STIM2: variants seen among roughly 807,000 people sequenced by gnomAD.
STIM2 encodes the protein stromal interaction molecule 2.
Under a neutral mutation model 85.8 loss-of-function variants are expected in STIM2, and 31 were observed. The ratio of observed to expected loss-of-function variants is 0.36; its 90% CI spans 0.27 to 0.49. The LOEUF (loss-of-function observed/expected upper bound fraction) is 0.49. STIM2 is among the 20% of genes least tolerant of loss of function. The pLI is 0.98. For synonymous variants in STIM2, 356 were observed against 331.1 expected (o/e 1.08, Z -0.82); for missense variants, 841 against 927.6 (o/e 0.91, Z 1.21).
intron 1 of STIM2, among the ~76,000 whole-genome samples, chr4:26,903,139 G>A (rs558229726): frequency 1.8e-4 from 27 of 151,880 alleles, no homozygotes; most frequent in African/African-American, 6.5e-4. Flanking sequence ...GTTTTTTTTG[G>A]CCTTACCTCA....
At chr4:26,923,194 A>G (rs1724873411) in intron 2 of STIM2, among the ~76,000 whole-genome samples, 1 of 151,536 alleles carries the variant, frequency 6.6e-6, no homozygotes, top group South Asian at 2.1e-4. Flanking sequence ...ACTAACAACC[A>G]GAAAGGACAT....
intron 2 of STIM2, among the ~76,000 whole-genome samples, chr4:26,939,237 C>T (rs182566767): frequency 6.6e-6 from 1 of 152,244 alleles, no homozygotes; most frequent in Admixed American, 6.5e-5. Flanking sequence ...CTATTTGACA[C>T]GGTCCATCTT....
At chr4:26,883,570 C>T (rs182192354) in intron 1 of STIM2, among the ~76,000 whole-genome samples, 62 of 151,836 alleles carry the variant, frequency 4.1e-4, no homozygotes, top group African/African-American at 1.5e-3. Flanking sequence ...CCTGAGGTGC[C>T]GAAAGTGTAT....
intron 2 of STIM2, among the ~76,000 whole-genome samples, chr4:26,946,361 T>C (rs759067738): frequency 6.6e-6 from 1 of 152,272 alleles, no homozygotes; most frequent in Non-Finnish European, 1.5e-5. Flanking sequence ...ACAGAACTTA[T>C]TGGAACCTGT....
intron 10 of STIM2, among the ~76,000 whole-genome samples, chr4:27,009,940 G>A (rs930415455): frequency 6.6e-6 from 1 of 152,130 alleles, no homozygotes; most frequent in African/African-American, 2.4e-5. Flanking sequence ...GCATGAAAGT[G>A]CATTATCTAG....
At chr4:27,020,868 T>G (rs1158127302) in intron 11 of STIM2, 5 of 733,224 alleles carry the variant, frequency 6.8e-6, no homozygotes, top group Non-Finnish European at 1.1e-5. Context: ...GCTGCTGGGT[T>G]ATAATCATAT....
chr4:27,019,380 C>G, intron 11 of STIM2: 1 of 1,270,984 alleles, frequency 7.9e-7, no homozygotes, highest in Non-Finnish European at 1.0e-6. Context: ...TTATGACTAG[C>G]TTTTCGTCTG....
intron 3 of STIM2, among the ~76,000 whole-genome samples, chr4:26,960,446 T>C (rs1399427387): frequency 3.3e-5 from 5 of 152,218 alleles, no homozygotes; most frequent in African/African-American, 1.2e-4. Flanking sequence ...ATTCATTCTT[T>C]GCTTATCATT....
chr4:26,901,267 A>G (rs1433909975), intron 1 of STIM2, among the ~76,000 whole-genome samples: 1 of 152,152 alleles, frequency 6.6e-6, no homozygotes, highest in African/African-American at 2.4e-5. Context: ...TTTGGAGGTA[A>G]CACCATCAAA....
intron 3 of STIM2, among the ~76,000 whole-genome samples, chr4:26,972,172 C>T (rs1401508550): frequency 6.6e-6 from 1 of 152,136 alleles, no homozygotes; most frequent in Non-Finnish European, 1.5e-5. Flanking sequence ...AATATACAAT[C>T]ATGTCATCTA....
intron 1 of STIM2, among the ~76,000 whole-genome samples, chr4:26,895,279 C>T (rs895533108): frequency 1.3e-5 from 2 of 152,116 alleles, no homozygotes; most frequent in Non-Finnish European, 2.9e-5. Flanking sequence ...TTTAGTGGCT[C>T]TCATAAAATT....
chr4:26,874,734 G>C (rs1722754598), intron 1 of STIM2, among the ~76,000 whole-genome samples: 2 of 152,198 alleles, frequency 1.3e-5, no homozygotes, highest in Non-Finnish European at 1.5e-5. Context: ...AAATCAGTAA[G>C]TATTAGGCAT....
chr4:26,861,368 A>G lies in STIM2; in HGVS notation c.150A>G (p.Thr50=), dbSNP rs1722180289. ...CCGGCGATAGCCCGGCGCTCATGAC[A>G]GGTGAGGGGCCGGGGGGCGGCGGGC... is the stretch of plus-strand genomic sequence containing the variant. The change falls in exon 1 of 12, where the codon ACA becomes ACG. Residue 50 remains threonine (T), a splice_region_variant and synonymous_variant. Transcript: ENST00000467087. 2 of 1,310,366 alleles carry G rather than the reference A, an allele frequency of 1.5e-6. No individual in the cohort carries two copies. The highest frequency in any genetic ancestry group is 1.9e-6 in the Non-Finnish European group (2 of 1,034,938). 81.2% of individuals were successfully genotyped at this position (1,310,366 alleles called of 1,614,324 possible).
chr4:27,003,132 G>A, intron 7 of STIM2, 28 bp downstream of exon 7: 3 of 1,544,108 alleles, frequency 1.9e-6, no homozygotes, highest in Non-Finnish European at 2.6e-6. Flanking sequence ...AAAATCACTT[G>A]TAAAGATGTT....
At chr4:26,959,537 C>A (rs931320075) in intron 3 of STIM2, among the ~76,000 whole-genome samples, 2 of 151,974 alleles carry the variant, frequency 1.3e-5, no homozygotes, top group African/African-American at 4.8e-5. Context: ...TTATATATAT[C>A]TCCCTTTGCC....
chr4:26,922,832 A>G (rs1322307580), intron 2 of STIM2, among the ~76,000 whole-genome samples: 3 of 152,184 alleles, frequency 2.0e-5, no homozygotes, highest in African/African-American at 7.2e-5. Context: ...GATGGGGGCA[A>G]TAGTGAATAA....
intron 2 of STIM2, 27 bp from the exon 3 acceptor site, chr4:26,957,585 T>C (rs3792685): frequency 0.2 from 252,130 of 1,266,998 alleles, 27,191 homozygotes; most frequent in East Asian, 0.45. Context: ...TGAATTTATA[T>C]TTAACTTAAT....
chr4:26,971,425 G>A lies in STIM2; in HGVS notation c.397+13699G>A, dbSNP rs568031101. The stretch of plus-strand genomic sequence containing the variant: ...CATCTTGAATTAATTTTTGTATAAG[G>A]TGTAAGGAAGGGATCCAGTTTCAGC... On this transcript the variant is annotated intron_variant, in intron 3 of 11. Transcript: ENST00000467087. Among the ~76,000 whole-genome samples the A allele has an allele frequency of 2.0e-3, 303 of 152,276 alleles. 1 individual carries two copies. The highest frequency in any genetic ancestry group is 7.0e-3 in the African/African-American group (289 of 41,552).
At chr4:26,933,731 C>G (rs1334756897) in intron 2 of STIM2, among the ~76,000 whole-genome samples, 4 of 82,454 alleles carry the variant, frequency 4.9e-5, no homozygotes, top group African/African-American at 2.2e-4. Flanking sequence ...GAGACCTGAT[C>G]TCAAAAAAAA....
Sources: gnomAD v4.1 joint callset for allele counts (sites outside exome capture counted in the v4.1 genomes callset) on GRCh38, gnomAD v4.1.1 for gene constraint, MANE v1.5 for transcripts, NCBI Gene and HGNC (gene_info 2026-07-23, HGNC 2026-07-21) for gene names.